The following AFF3 variants were observed in gnomAD, a reference collection of about 807,000 sequenced individuals.
AFF3 encodes the protein AF4/FMR2 family member 3.
AFF3 carries 32 observed loss-of-function variants against 129.7 expected under a neutral mutation model. The observed-to-expected ratio is 0.25, with a 90% CI of 0.19 to 0.33. The LOEUF (loss-of-function observed/expected upper bound fraction) is 0.33. Among genes scored for constraint, AFF3 ranks in the 10% least tolerant of loss-of-function variants. The pLI, the probability that AFF3 is intolerant of heterozygous loss-of-function variation, is 1.00. For missense variants in AFF3, 1,373 were observed against 1,592.0 expected (o/e 0.86, Z 2.34); for synonymous variants, 644 against 635.4 (o/e 1.01, Z -0.20).
chr2:100,095,313 C>T (rs1463219585), intron 4 of AFF3, among the ~76,000 whole-genome samples: 2 of 152,222 alleles, frequency 1.3e-5, no homozygotes, highest in Non-Finnish European at 2.9e-5. Context: ...TTCCTCTCTC[C>T]TCCCCCACAA....
At chr2:99,785,504 C>T (rs567274629) in intron 8 of AFF3, among the ~76,000 whole-genome samples, 1 of 152,180 alleles carries the variant, frequency 6.6e-6, no homozygotes, top group Non-Finnish European at 1.5e-5. Context: ...CTCCTTATTC[C>T]TCTTCTCTTT....
At position 99,648,915 on chromosome 2, in the gene AFF3, A is replaced by ACTCTCTCTCTCTCTCTCTCTCTCTCTCT. The variant is rs1275377590; in HGVS notation, c.1184+710_1184+711insAGAGAGAGAGAGAGAGAGAGAGAGAGAG. On this transcript the variant is annotated intron_variant, in intron 13 of 24. Coordinates refer to ENST00000672756, the MANE Select transcript of AFF3 (RefSeq NM_001386135.1). Reference sequence around the variant, plus strand: ...CACACACACACACACACACACACACACACTCTCTCTCTCTCTCTCTCTCCA... The same window carrying ACTCTCTCTCTCTCTCTCTCTCTCTCTCT: ...CACACACACACACACACACACACACACTCTCTCTCTCTCTCTCTCTCTCTCTCTCACTCTCTCTCTCTCTCTCTCTCCA... Among the ~76,000 whole-genome samples the ACTCTCTCTCTCTCTCTCTCTCTCTCTCT allele has an allele frequency of 2.0e-4, 7 of 35,580 alleles. No individual in the cohort carries two copies. In the East Asian group the frequency reaches 6.7e-3, roughly 34 times the overall value. 23.3% of individuals were successfully genotyped at this position (35,580 alleles called of 152,430 possible). A position where few individuals can be genotyped will look rare whatever the true frequency, so the allele number is the denominator to read the frequency against.
At chr2:99,922,135 T>C (rs1387012519) in intron 7 of AFF3, among the ~76,000 whole-genome samples, 3 of 152,206 alleles carry the variant, frequency 2.0e-5, no homozygotes, top group Admixed American at 6.5e-5. Flanking sequence ...GTATGTAAGA[T>C]GGCATAATCC....
chr2:99,592,943 C>CCAA (rs766393879), intron 15 of AFF3, among the ~76,000 whole-genome samples: 11 of 123,080 alleles, frequency 8.9e-5, no homozygotes, highest in African/African-American at 1.3e-4. Context: ...CCCCCCCCCC[C>CCAA]AAAAAAAGGG....
At chr2:99,984,906 A>G (rs1025613867) in intron 7 of AFF3, among the ~76,000 whole-genome samples, 1 of 152,184 alleles carries the variant, frequency 6.6e-6, no homozygotes, top group Admixed American at 6.6e-5. Context: ...TCTCAGACAG[A>G]AAACAAATTG....
At chr2:99,747,727 TA>T (rs1195043659) in intron 9 of AFF3, among the ~76,000 whole-genome samples, 3 of 151,984 alleles carry the variant, frequency 2.0e-5, no homozygotes, top group Admixed American at 6.6e-5. Flanking sequence ...ATAATTGGTA[TA>T]AAAAAAATCT....
chr2:100,021,103 T>C (rs1559064573), intron 4 of AFF3, among the ~76,000 whole-genome samples: 1 of 152,292 alleles, frequency 6.6e-6, no homozygotes, highest in East Asian at 1.9e-4. Context: ...GATTTTTCCC[T>C]CTTGGGAACA....
chr2:99,718,811 C>T (rs956483181), intron 11 of AFF3, among the ~76,000 whole-genome samples: 13 of 151,070 alleles, frequency 8.6e-5, no homozygotes, highest in Admixed American at 2.6e-4. Flanking sequence ...ACTGCAGTGG[C>T]ACGATCTCAG....
intron 7 of AFF3, among the ~76,000 whole-genome samples, chr2:100,003,281 T>C (rs1244549083): frequency 6.6e-6 from 1 of 152,248 alleles, no homozygotes; most frequent in Non-Finnish European, 1.5e-5. Context: ...TGTTTGAATC[T>C]GGAATTACAT....
At chr2:99,983,738 G>C (rs1050041529) in intron 7 of AFF3, among the ~76,000 whole-genome samples, 1 of 152,140 alleles carries the variant, frequency 6.6e-6, no homozygotes, top group African/African-American at 2.4e-5. Context: ...TCAGGTAATT[G>C]TTCTGCATTG....
chr2:100,068,414 T>C (rs534433590), intron 4 of AFF3, among the ~76,000 whole-genome samples: 7 of 152,160 alleles, frequency 4.6e-5, no homozygotes, highest in Non-Finnish European at 8.8e-5. Flanking sequence ...CACAGCTGTT[T>C]GTTGAGGCTG....
At chr2:99,868,578 G>A (rs1229586946) in intron 7 of AFF3, among the ~76,000 whole-genome samples, 6 of 152,300 alleles carry the variant, frequency 3.9e-5, no homozygotes, top group Non-Finnish European at 8.8e-5. Flanking sequence ...AGACAATGAG[G>A]CCTGGAGGAA....
intron 2 of AFF3, chr2:100,112,382 C>G (rs926986589): frequency 6.6e-6 from 1 of 152,274 alleles, no homozygotes; most frequent in Non-Finnish European, 1.5e-5. Context: ...AGAAAGATAC[C>G]TACCTGCTAG....
chr2:99,959,408 C>A (rs887493355), intron 7 of AFF3, among the ~76,000 whole-genome samples: 1 of 147,248 alleles, frequency 6.8e-6, no homozygotes, highest in Admixed American at 6.8e-5. Flanking sequence ...AAAATGTATG[C>A]GGCTGGAAAA....
intron 13 of AFF3, among the ~76,000 whole-genome samples, chr2:99,640,171 T>C (rs1684059241): frequency 6.6e-6 from 1 of 152,182 alleles, no homozygotes; most frequent in South Asian, 2.1e-4. Context: ...GGATATTTCT[T>C]AGGATTTGTT....
chr2:99,799,792 C>CA (rs1167594186), intron 8 of AFF3, among the ~76,000 whole-genome samples: 1 of 152,122 alleles, frequency 6.6e-6, no homozygotes, highest in Non-Finnish European at 1.5e-5. Context: ...TCCAGAAATA[C>CA]ACCACATATC....
At chr2:99,587,963 T>C (rs1002346558) in intron 15 of AFF3, among the ~76,000 whole-genome samples, 6 of 148,150 alleles carry the variant, frequency 4.0e-5, no homozygotes, top group African/African-American at 1.5e-4. Flanking sequence ...TGAGCTGAGA[T>C]CACGCCACTG....
intron 4 of AFF3, among the ~76,000 whole-genome samples, chr2:100,021,429 TTTCC>T (rs1375181844): frequency 9.9e-5 from 15 of 152,218 alleles, no homozygotes; most frequent in Admixed American, 8.5e-4. Context: ...TTTCATGCTT[TTTCC>T]TTCCTTTTCA....
chr2:99,696,179 C>T (rs1676246398), intron 11 of AFF3, among the ~76,000 whole-genome samples: 1 of 151,706 alleles, frequency 6.6e-6, no homozygotes, highest in Admixed American at 6.6e-5. Flanking sequence ...AAATGAATTG[C>T]CTGAGAAGTC....
Sources: allele counts gnomAD v4.1 joint callset (sites outside exome capture counted in the v4.1 genomes callset), GRCh38; gene constraint gnomAD v4.1.1; transcripts MANE v1.5; gene names NCBI Gene and HGNC (gene_info 2026-07-23, HGNC 2026-07-21).